Variants in CCSER1 observed in about 807,000 individuals in gnomAD.
CCSER1 encodes the protein coiled-coil serine rich protein 1, also known as serine-rich coiled-coil domain-containing protein 1.
CCSER1 carries 41 observed loss-of-function variants against 82.0 expected under a neutral mutation model. The observed-to-expected ratio is 0.50, with a 90% CI of 0.39 to 0.65. The LOEUF (loss-of-function observed/expected upper bound fraction) is 0.65, where lower values mean the gene tolerates loss of function less well. Ranked by LOEUF, CCSER1 falls within the 30% of genes least tolerant of loss-of-function variation. The pLI, the probability that CCSER1 is intolerant of heterozygous loss-of-function variation, is 0.00. For synonymous variants in CCSER1, 414 were observed against 383.9 expected, an observed-to-expected ratio of 1.08 and a Z score of -0.92; for missense variants, 1,119 against 1,064.2, an observed-to-expected ratio of 1.05 and a Z score of -0.72.
intron 1 of CCSER1, among the ~76,000 whole-genome samples, chr4:90,154,769 G>A (rs1727692959): frequency 6.7e-6 from 1 of 148,388 alleles, no homozygotes; most frequent in Non-Finnish European, 1.5e-5. Context: ...TCAGCTTAAG[G>A]AGATTTTGGG....
At chr4:90,214,334 T>A (rs1188162390) in intron 1 of CCSER1, among the ~76,000 whole-genome samples, 1 of 152,078 alleles carries the variant, frequency 6.6e-6, no homozygotes, top group Non-Finnish European at 1.5e-5. Context: ...AGAGTGAGGA[T>A]AATAGGAGAA....
chr4:91,410,466 T>C (rs1299341617), intron 10 of CCSER1, among the ~76,000 whole-genome samples: 1 of 152,186 alleles, frequency 6.6e-6, no homozygotes, highest in Non-Finnish European at 1.5e-5. Flanking sequence ...TTGAATGAAC[T>C]TCATGAAAGA....
intron 8 of CCSER1, among the ~76,000 whole-genome samples, chr4:90,876,992 G>A (rs1037904482): frequency 4.6e-5 from 7 of 151,942 alleles, no homozygotes; most frequent in African/African-American, 1.4e-4. Flanking sequence ...GGTAATTAAT[G>A]TCTGTTGAGT....
intron 10 of CCSER1, among the ~76,000 whole-genome samples, chr4:91,368,956 G>A (rs1560617078): frequency 1.3e-5 from 2 of 152,162 alleles, no homozygotes; most frequent in South Asian, 4.1e-4. Context: ...TCCTGCTATG[G>A]TAGGAAAACA....
At chr4:90,486,255 C>A (rs1767040165) in intron 5 of CCSER1, among the ~76,000 whole-genome samples, 1 of 152,108 alleles carries the variant, frequency 6.6e-6, no homozygotes, top group African/African-American at 2.4e-5. Flanking sequence ...TGCTTAAATT[C>A]TTGATCTATC....
intron 10 of CCSER1, among the ~76,000 whole-genome samples, chr4:91,164,452 A>G (rs1301289583): frequency 1.3e-5 from 2 of 151,680 alleles, no homozygotes; most frequent in Admixed American, 1.3e-4. Context: ...TATTCTCTGT[A>G]TTTCCTGAAT....
intron 10 of CCSER1, among the ~76,000 whole-genome samples, chr4:91,465,838 C>A (rs1443175033): frequency 2.0e-5 from 3 of 152,096 alleles, no homozygotes; most frequent in South Asian, 2.1e-4. Flanking sequence ...CACTAACAGG[C>A]TCTGAAATTT....
chr4:91,086,611 C>A (rs1054416878), intron 10 of CCSER1, among the ~76,000 whole-genome samples: 7 of 151,958 alleles, frequency 4.6e-5, no homozygotes, highest in African/African-American at 1.4e-4. Context: ...TAAATCAAAA[C>A]ATTCTAACTG....
intron 10 of CCSER1, among the ~76,000 whole-genome samples, chr4:91,446,130 C>T (rs1466288350): frequency 6.6e-6 from 1 of 151,998 alleles, no homozygotes; most frequent in Admixed American, 6.6e-5. Context: ...CTAGTAAGAA[C>T]AGTGTGAAGG....
chr4:91,191,565 A>G (rs1223614501), intron 10 of CCSER1, among the ~76,000 whole-genome samples: 2 of 152,074 alleles, frequency 1.3e-5, no homozygotes, highest in African/African-American at 4.8e-5. Context: ...AGCCTCCTTT[A>G]TTACTAGGGT....
At chr4:90,295,536 G>T (rs928667132) in intron 1 of CCSER1, among the ~76,000 whole-genome samples, 1 of 151,556 alleles carries the variant, frequency 6.6e-6, no homozygotes, top group Non-Finnish European at 1.5e-5. Context: ...CTATTTCCCC[G>T]ATTACTAATG....
intron 3 of CCSER1, among the ~76,000 whole-genome samples, chr4:90,379,596 A>T (rs1395064143): frequency 1.3e-5 from 2 of 152,154 alleles, no homozygotes; most frequent in East Asian, 3.9e-4. Context: ...CAGAGGAGCC[A>T]TTATCCCAGT....
intron 9 of CCSER1, among the ~76,000 whole-genome samples, chr4:90,942,312 G>T (rs757521757): frequency 4.6e-5 from 7 of 152,082 alleles, no homozygotes; most frequent in Non-Finnish European, 5.9e-5. Flanking sequence ...TAATGGAGAA[G>T]ATTATGATAG....
intron 7 of CCSER1, among the ~76,000 whole-genome samples, chr4:90,759,181 C>T (rs1312919621): frequency 1.3e-5 from 2 of 152,136 alleles, no homozygotes; most frequent in African/African-American, 4.8e-5. Context: ...TATGTTAATC[C>T]TCTGTAACCC....
intron 8 of CCSER1, among the ~76,000 whole-genome samples, chr4:90,896,893 T>C (rs1271517329): frequency 6.6e-6 from 1 of 151,742 alleles, no homozygotes; most frequent in Non-Finnish European, 1.5e-5. Context: ...CAAAAATTAG[T>C]CTAAATATCT....
chr4:90,762,356 G>T (rs977564005), intron 7 of CCSER1, among the ~76,000 whole-genome samples: 10 of 152,130 alleles, frequency 6.6e-5, no homozygotes, highest in African/African-American at 2.2e-4. Context: ...GCTGAATTGT[G>T]AGTCAATTAA....
intron 9 of CCSER1, among the ~76,000 whole-genome samples, chr4:90,997,767 C>T (rs1737629524): frequency 6.6e-6 from 1 of 152,160 alleles, no homozygotes; most frequent in Non-Finnish European, 1.5e-5. Flanking sequence ...AAGATTTCCT[C>T]TTACTAAATT....
At chr4:90,534,481 G>GTGTT (rs1259523424) in intron 5 of CCSER1, among the ~76,000 whole-genome samples, 4 of 147,058 alleles carry the variant, frequency 2.7e-5, no homozygotes, top group African/African-American at 1.0e-4. Flanking sequence ...GTGTGTGTGT[G>GTGTT]TGTGTGTGAT....
intron 10 of CCSER1, among the ~76,000 whole-genome samples, chr4:91,405,293 T>C (rs1752626121): frequency 6.6e-6 from 1 of 152,016 alleles, no homozygotes; most frequent in African/African-American, 2.4e-5. Context: ...CCTTACACCT[T>C]ATACAAAAAT....
Sources: allele counts gnomAD v4.1 joint callset (sites outside exome capture counted in the v4.1 genomes callset), GRCh38; gene constraint gnomAD v4.1.1; transcripts MANE v1.5; gene names NCBI Gene and HGNC (gene_info 2026-07-23, HGNC 2026-07-21).